The following SMAD9 variants were observed in gnomAD, a reference collection of about 807,000 sequenced individuals.
SMAD9 encodes MAD homolog 9.
Under a neutral mutation model 46.1 loss-of-function variants are expected in SMAD9, and 36 were observed. That is an observed-to-expected ratio of 0.78 (90% CI 0.60 to 1.03). The LOEUF is 1.03. Ranked by LOEUF, SMAD9 falls within the 50% of genes least tolerant of loss-of-function variation. SMAD9 has a pLI of 0.00. For synonymous variants in SMAD9, 245 were observed against 237.1 expected, an observed-to-expected ratio of 1.03 and a Z score of -0.31; for missense variants, 572 against 599.8, an observed-to-expected ratio of 0.95 and a Z score of 0.48.
At position 36,853,665 on chromosome 13, in the gene SMAD9, C is replaced by T. The variant is rs1240858755; in HGVS notation, c.1014G>A (p.Leu338=). 6.2e-7 allele frequency: 1 copy of T among 1,614,130 alleles called. No individual in the cohort carries two copies. The highest frequency in any genetic ancestry group is 8.5e-7 in the Non-Finnish European group (1 of 1,180,024). The change falls in exon 6 of 7, where the codon TTG becomes TTA. Residue 338 remains leucine, a synonymous_variant. Coordinates refer to ENST00000379826, the MANE Select transcript of SMAD9 (RefSeq NM_001127217.3). ...CATACACCTCTCCCCCGACGTAGTA[C>T]AAGTGCACACCTGCAGACACAAAAA... ...TRRHIGKGVH[L]YYVGGEVYAE...
chr13:36,898,317 A>G (rs1449761079), intron 1 of SMAD9, among the ~76,000 whole-genome samples: 1 of 152,162 alleles, frequency 6.6e-6, no homozygotes, highest in Non-Finnish European at 1.5e-5. Context: ...CCAGGCCCAC[A>G]TGGTTTCACT....
intron 1 of SMAD9, among the ~76,000 whole-genome samples, chr13:36,901,975 A>C (rs1379140764): frequency 6.6e-6 from 1 of 152,102 alleles, no homozygotes; most frequent in Non-Finnish European, 1.5e-5. Flanking sequence ...TCATTATGTC[A>C]TTTGATGCAT....
chr13:36,869,502 G>A lies in SMAD9; in HGVS notation c.671-2119C>T, dbSNP rs937664529. 7.2e-5 allele frequency among the ~76,000 whole-genome samples: 11 copies of A among 152,134 alleles called. No individual in the cohort carries two copies. In the Middle Eastern group the frequency reaches 0.01, roughly 141 times the overall value. On this transcript the variant is annotated intron_variant, in intron 3 of 6. Coordinates refer to ENST00000379826, the MANE Select transcript of SMAD9 (RefSeq NM_001127217.3). Reference sequence around the variant, plus strand: ...CTCCCAAAGTGCTGGGATTACAGGCGGGAGCCACTGCACCCGGCTAGACTG... The same window carrying A: ...CTCCCAAAGTGCTGGGATTACAGGCAGGAGCCACTGCACCCGGCTAGACTG...
chr13:36,861,508 G>A, intron 5 of SMAD9, among the ~76,000 whole-genome samples: 1 of 151,660 alleles, frequency 6.6e-6, no homozygotes, highest in Non-Finnish European at 1.5e-5. Context: ...TAGAGACAGA[G>A]TTTCACTATG....
At chr13:36,897,612 T>TA (rs1374059332) in intron 1 of SMAD9, among the ~76,000 whole-genome samples, 1 of 152,132 alleles carries the variant, frequency 6.6e-6, no homozygotes, top group Non-Finnish European at 1.5e-5. Context: ...TCTTCCTAAA[T>TA]AAAAAATAAT....
At chr13:36,872,219 G>A (rs1189494003) in intron 3 of SMAD9, among the ~76,000 whole-genome samples, 1 of 151,860 alleles carries the variant, frequency 6.6e-6, no homozygotes, top group Non-Finnish European at 1.5e-5. Context: ...CTCACTCAAA[G>A]GATGCAGGCA....
intron 5 of SMAD9, among the ~76,000 whole-genome samples, chr13:36,863,342 G>C (rs2058201508): frequency 6.6e-6 from 1 of 152,170 alleles, no homozygotes; most frequent in African/African-American, 2.4e-5. Flanking sequence ...GCAGCTCTGA[G>C]AAAACTGTAA....
At chr13:36,848,950 T>A in intron 6 of SMAD9, 131 bp from the exon 7 acceptor site, 1 of 777,090 alleles carries the variant, frequency 1.3e-6, no homozygotes, top group Non-Finnish European at 2.1e-6. Flanking sequence ...GGAGAGAACA[T>A]GGCCTCTACC....
intron 3 of SMAD9, among the ~76,000 whole-genome samples, chr13:36,872,047 T>C (rs1224769354): frequency 2.0e-5 from 3 of 152,154 alleles, no homozygotes; most frequent in African/African-American, 7.2e-5. Context: ...TTTACAGGTA[T>C]GGTAGCAAGA....
At position 36,876,297 on chromosome 13, in the gene SMAD9, T is replaced by C. The variant is rs114199939; in HGVS notation, c.412+2981A>G. 5.4e-3 allele frequency among the ~76,000 whole-genome samples: 815 copies of C among 152,292 alleles called. 8 individuals carry two copies. Among genetic ancestry groups the C allele is most frequent in the African/African-American group, 0.018 (756 of 41,560 alleles). On this transcript the variant is annotated intron_variant, in intron 2 of 6. Coordinates refer to ENST00000379826, the MANE Select transcript of SMAD9 (RefSeq NM_001127217.3). The stretch of plus-strand genomic sequence containing the variant: ...TGGTTTTGATATAATATGAATATTT[T>C]ATATAAAAAAGAAATTACACTCCTG...
chr13:36,851,171 GA>G (rs1306413920), intron 6 of SMAD9, among the ~76,000 whole-genome samples: 26 of 152,338 alleles, frequency 1.7e-4, no homozygotes, highest in East Asian at 9.7e-4. Context: ...AGTCACCGCT[GA>G]ACTCGTAGCA....
At chr13:36,855,217 A>C (rs755626516) in intron 5 of SMAD9, among the ~76,000 whole-genome samples, 1 of 144,638 alleles carries the variant, frequency 6.9e-6, no homozygotes, top group Non-Finnish European at 1.5e-5. Context: ...CCACTACTGC[A>C]CTCCAGACTG....
intron 5 of SMAD9, among the ~76,000 whole-genome samples, chr13:36,863,410 G>C (rs55917434): frequency 0.21 from 32,373 of 152,128 alleles, 4,287 homozygotes; most frequent in African/African-American, 0.37. Context: ...GCACTATTAG[G>C]TGCTCCAGTT....
rs151085800 is a variant in SMAD9, at chr13:36,871,936, T to C, written c.670+722A>G. Among the ~76,000 whole-genome samples the C allele has an allele frequency of 7.5e-4, 114 of 152,342 alleles. 1 individual carries two copies. The highest frequency in any genetic ancestry group is 2.6e-3 in the African/African-American group (110 of 41,576). On this transcript the variant is annotated intron_variant, in intron 3 of 6. Coordinates refer to ENST00000379826, the MANE Select transcript of SMAD9 (RefSeq NM_001127217.3). Reference sequence around the variant, plus strand: ...ATTGTAACATCTGGCACCAAATGTATTTATGCATGCCTTTAGGAACTTGTC... The same window carrying C: ...ATTGTAACATCTGGCACCAAATGTACTTATGCATGCCTTTAGGAACTTGTC...
chr13:36,918,320 G>A (rs923222944), intron 1 of SMAD9, among the ~76,000 whole-genome samples: 2 of 152,172 alleles, frequency 1.3e-5, no homozygotes, highest in African/African-American at 4.8e-5. Context: ...AGTTTGTTCA[G>A]ATCAAGAGTA....
chr13:36,863,625 T>C (rs994981114), intron 5 of SMAD9, among the ~76,000 whole-genome samples: 1 of 152,182 alleles, frequency 6.6e-6, no homozygotes, highest in Non-Finnish European at 1.5e-5. Context: ...CATGATCTGC[T>C]TGGTGCCCTC....
At chr13:36,868,768 T>C (rs1593572585) in intron 3 of SMAD9, among the ~76,000 whole-genome samples, 2 of 152,056 alleles carry the variant, frequency 1.3e-5, no homozygotes, top group East Asian at 3.9e-4. Flanking sequence ...GGACTGAAAA[T>C]AGAATTACCA....
rs77258220 is a variant in SMAD9, at chr13:36,893,094, T to C, written c.-186-13219A>G. Among the ~76,000 whole-genome samples, 665 of 152,306 alleles carry C rather than the reference T, an allele frequency of 4.4e-3. 4 individuals carry two copies. Among genetic ancestry groups the C allele is most frequent in the African/African-American group, 0.015 (637 of 41,564 alleles). ...CAAGAACTGTGGAAATAATTTGCCA[T>C]TATCTTGTAAAGTTGAAATTTGTAT... On this transcript the variant is annotated intron_variant, in intron 1 of 6. Coordinates refer to ENST00000379826, the MANE Select transcript of SMAD9 (RefSeq NM_001127217.3).
rs571959172 is a variant in SMAD9, at chr13:36,885,081, T to C, written c.-186-5206A>G. Among the ~76,000 whole-genome samples, 18 of 152,386 alleles carry C rather than the reference T, an allele frequency of 1.2e-4. No homozygotes were observed. The East Asian group carries it at 3.3e-3, about 28-fold the overall frequency. ...CCAGCATTAAGTATACCTTGGTATC[T>C]ATAAGACAGTTTACTAACCAATTTA... On this transcript the variant is annotated intron_variant, in intron 1 of 6. Transcript: ENST00000379826.
Sources: gnomAD v4.1 joint callset for allele counts (sites outside exome capture counted in the v4.1 genomes callset) on GRCh38, gnomAD v4.1.1 for gene constraint, MANE v1.5 for transcripts, NCBI Gene and HGNC (gene_info 2026-07-23, HGNC 2026-07-21) for gene names.